Variants in ATRX observed in about 807,000 individuals in gnomAD.
The protein encoded by ATRX is ATRX chromatin remodeler, also known as chromatin remodeler ATRX.
A neutral mutation model predicts 172.6 loss-of-function variants in ATRX; 12 were observed. The ratio of observed to expected loss-of-function variants is 0.07; its 90% CI spans 0.04 to 0.11. The LOEUF (loss-of-function observed/expected upper bound fraction) is 0.11, where lower values mean the gene tolerates loss of function less well. ATRX is among the 10% of genes least tolerant of loss of function. The pLI, the probability that ATRX is intolerant of heterozygous loss-of-function variation, is 1.00. For synonymous variants in ATRX, 674 were observed against 594.7 expected (o/e 1.13, Z -1.94); for missense variants, 1,368 against 1,767.4 (o/e 0.77, Z 4.05).
At chrX:77,602,834 G>A (rs2066732174) in intron 22 of ATRX, among the ~76,000 whole-genome samples, 1 of 110,870 alleles carries the variant, frequency 9.0e-6, no homozygotes, top group Admixed American at 9.7e-5. Context: ...TCTCAAATAA[G>A]GAACCTATCT....
intron 20 of ATRX, among the ~76,000 whole-genome samples, chrX:77,619,890 T>C (rs3027550): frequency 0.038 from 4,232 of 111,592 alleles, 116 homozygotes; most frequent in African/African-American, 0.1. Flanking sequence ...CATACGAAAA[T>C]GAGGGTAATT....
intron 29 of ATRX, 114 bp downstream of exon 29, chrX:77,558,555 A>G: frequency 1.5e-6 from 1 of 685,888 alleles, no homozygotes; most frequent in Non-Finnish European, 2.2e-6. Context: ...TTATGTACAG[A>G]AATGGTATTT....
intron 21 of ATRX, 41 bp downstream of exon 21, chrX:77,618,765 A>G (rs377149307): frequency 8.8e-7 from 1 of 1,135,965 alleles, no homozygotes; most frequent in Non-Finnish European, 1.2e-6. Flanking sequence ...TTGTTATATA[A>G]AAAAGTAAGA....
intron 34 of ATRX, among the ~76,000 whole-genome samples, chrX:77,517,532 A>G (rs1279440587): frequency 2.7e-5 from 3 of 112,141 alleles, no homozygotes; most frequent in Non-Finnish European, 5.6e-5. Context: ...TGTAATAAAA[A>G]GTCTTCCAGC....
chrX:77,514,234 C>T (rs782664828), intron 34 of ATRX, among the ~76,000 whole-genome samples: 62 of 112,008 alleles, frequency 5.5e-4, no homozygotes, highest in African/African-American at 1.8e-3. Flanking sequence ...TAATGATATT[C>T]TTCATAAACT....
rs782667019 is a variant in ATRX, at chrX:77,689,829, C to T, written c.485-902G>A. On this transcript the variant is annotated intron_variant, in intron 6 of 34. Coordinates refer to ENST00000373344, the MANE Select transcript of ATRX (RefSeq NM_000489.6). ...TTTTCTTAAAGTTTCAAAGATGATCCTGATGTGCAACCAAGACCTTGATCA... is the reference window on the plus strand; with the variant it reads ...TTTTCTTAAAGTTTCAAAGATGATCTTGATGTGCAACCAAGACCTTGATCA... 2.7e-5 allele frequency among the ~76,000 whole-genome samples: 3 copies of T among 111,994 alleles called. No individual in the cohort carries two copies. In the East Asian group the frequency reaches 8.4e-4, roughly 31 times the overall value.
intron 1 of ATRX, among the ~76,000 whole-genome samples, chrX:77,756,208 A>C (rs781883155): frequency 2.7e-5 from 3 of 111,295 alleles, no homozygotes; most frequent in Middle Eastern, 4.6e-3. Flanking sequence ...CACCAAGCTC[A>C]ATCTTCACAG....
At chrX:77,671,777 T>C (rs939589059) in intron 10 of ATRX, among the ~76,000 whole-genome samples, 1 of 111,350 alleles carries the variant, frequency 9.0e-6, no homozygotes, top group Non-Finnish European at 1.9e-5. Flanking sequence ...TTTTTCTTTT[T>C]TTTCTTTTTT....
At chrX:77,597,203 TGAGAA>T (rs2066495845) in intron 25 of ATRX, among the ~76,000 whole-genome samples, 1 of 110,584 alleles carries the variant, frequency 9.0e-6, no homozygotes, top group African/African-American at 3.3e-5. Context: ...AAGAGAAGAA[TGAGAA>T]GAGAAATTTT....
intron 15 of ATRX, among the ~76,000 whole-genome samples, chrX:77,650,974 T>C (rs1217313519): frequency 9.0e-6 from 1 of 111,354 alleles, no homozygotes; most frequent in Non-Finnish European, 1.9e-5. Flanking sequence ...TAAAATACCA[T>C]TATCTTTTAA....
intron 1 of ATRX, among the ~76,000 whole-genome samples, chrX:77,725,761 T>C (rs1208029336): frequency 9.0e-6 from 1 of 111,548 alleles, no homozygotes; most frequent in African/African-American, 3.3e-5. Flanking sequence ...ACAAAGAACT[T>C]AAACAAATTT....
intron 1 of ATRX, among the ~76,000 whole-genome samples, chrX:77,770,809 T>G (rs1424785825): frequency 2.7e-5 from 3 of 112,077 alleles, no homozygotes; most frequent in African/African-American, 9.7e-5. Context: ...TTTTGACAAA[T>G]GAGGATGAAG....
At chrX:77,716,675 G>A (rs1027037111) in intron 2 of ATRX, among the ~76,000 whole-genome samples, 1 of 110,591 alleles carries the variant, frequency 9.0e-6, no homozygotes, top group South Asian at 3.8e-4. Flanking sequence ...CCCAAGAGGC[G>A]GAAGTTGCAG....
intron 1 of ATRX, among the ~76,000 whole-genome samples, chrX:77,725,763 A>C (rs1341379178): frequency 8.9e-6 from 1 of 112,357 alleles, no homozygotes; most frequent in Non-Finnish European, 1.9e-5. Context: ...AAAGAACTTA[A>C]ACAAATTTAC....
intron 1 of ATRX, among the ~76,000 whole-genome samples, chrX:77,776,334 T>A (rs1272061863): frequency 2.7e-5 from 3 of 109,188 alleles, no homozygotes; most frequent in Non-Finnish European, 5.7e-5. Flanking sequence ...TGAGTAACAA[T>A]AAAGACATAA....
At chrX:77,671,167 A>AAAATATATAT (rs1424480831) in intron 10 of ATRX, among the ~76,000 whole-genome samples, 345 of 15,723 alleles carry the variant, frequency 0.022, 20 homozygotes, top group Non-Finnish European at 0.033. Flanking sequence ...AAAAAAAAAA[A>AAAATATATAT]ATATATATAT....
chrX:77,670,538 T>A (rs1480467450), intron 10 of ATRX, among the ~76,000 whole-genome samples: 1 of 111,221 alleles, frequency 9.0e-6, no homozygotes, highest in Admixed American at 9.5e-5. Context: ...GCAAATAACC[T>A]GAGGTCAGGA....
At chrX:77,667,293 A>ATG (rs1160312482) in intron 10 of ATRX, among the ~76,000 whole-genome samples, 6 of 60,563 alleles carry the variant, frequency 9.9e-5, no homozygotes, top group African/African-American at 2.9e-4. Context: ...GGACGAATAA[A>ATG]TATGTGTGTG....
Position 77,683,815 on chromosome X carries a change from C to G in ATRX, c.1441G>C (p.Glu481Gln), listed in dbSNP as rs782128777. The G allele has an allele frequency of 1.7e-6, 2 of 1,207,554 alleles. No individual in the cohort carries two copies. Among genetic ancestry groups the G allele is most frequent in the African/African-American group, 3.5e-5 (2 of 57,290 alleles). ...SEHMHQNVPT[E>Q]EQRTNKSTGG... Reference sequence around the variant, plus strand: ...GTACTTTTATTTGTTCTTTGTTCCTCTGTTGGAACATTCTGATGCATGTGC... The same window carrying G: ...GTACTTTTATTTGTTCTTTGTTCCTGTGTTGGAACATTCTGATGCATGTGC... The change falls in exon 9 of 35, where the codon GAG becomes CAG. Residue 481 changes from glutamate to glutamine, a missense_variant. Physicochemically the swap from Glu to Gln is conservative, Grantham distance 29. Coordinates refer to ENST00000373344, the MANE Select transcript of ATRX (RefSeq NM_000489.6).
Sources: allele counts gnomAD v4.1 joint callset (sites outside exome capture counted in the v4.1 genomes callset), GRCh38; gene constraint gnomAD v4.1.1; transcripts MANE v1.5; gene names NCBI Gene and HGNC (gene_info 2026-07-23, HGNC 2026-07-21).